The following GPR158 variants were observed in gnomAD, a reference collection of about 807,000 sequenced individuals.
The protein encoded by GPR158 is metabotropic glycine receptor.
A neutral mutation model predicts 78.2 loss-of-function variants in GPR158; 30 were observed. That is an observed-to-expected ratio of 0.38 (90% CI 0.29 to 0.52). The LOEUF is 0.52. Ranked by LOEUF, GPR158 falls within the 20% of genes least tolerant of loss-of-function variation. The probability of loss-of-function intolerance (pLI) is 0.83; values close to 1 mark genes in which losing one functional copy is unlikely to be tolerated. For missense variants in GPR158, 1,463 were observed against 1,523.5 expected (o/e 0.96, Z 0.66); for synonymous variants, 581 against 591.1 (o/e 0.98, Z 0.25).
intron 5 of GPR158, among the ~76,000 whole-genome samples, chr10:25,486,427 A>T (rs942167564): frequency 6.6e-6 from 1 of 152,142 alleles, no homozygotes; most frequent in Non-Finnish European, 1.5e-5. Flanking sequence ...TTCATCTGTA[A>T]AATGAAAGTA....
At chr10:25,361,110 T>A (rs1855632890) in intron 2 of GPR158, among the ~76,000 whole-genome samples, 1 of 151,794 alleles carries the variant, frequency 6.6e-6, no homozygotes, top group Non-Finnish European at 1.5e-5. Context: ...TTGCCGCTGG[T>A]AATAACCATT....
At chr10:25,293,193 T>C (rs1365553188) in intron 2 of GPR158, among the ~76,000 whole-genome samples, 1 of 152,232 alleles carries the variant, frequency 6.6e-6, no homozygotes, top group Non-Finnish European at 1.5e-5. Flanking sequence ...GAATTCCTTT[T>C]CTAGTAGAGA....
chr10:25,339,887 C>T (rs148323131), intron 2 of GPR158, among the ~76,000 whole-genome samples: 34 of 152,208 alleles, frequency 2.2e-4, no homozygotes, highest in African/African-American at 8.2e-4. Context: ...ATTTTGTGTA[C>T]AGCTGGGTTC....
intron 7 of GPR158, among the ~76,000 whole-genome samples, chr10:25,574,746 A>G (rs1837064570): frequency 6.6e-6 from 1 of 152,064 alleles, no homozygotes; most frequent in South Asian, 2.1e-4. Flanking sequence ...TTAGCCAGAC[A>G]TGGTGGTACA....
In GPR158 at chr10:25,515,437, T is replaced by C. The variant is rs1341645389; in HGVS notation, c.1405-35539T>C. Among the ~76,000 whole-genome samples, 6 of 150,570 alleles carry C rather than the reference T, an allele frequency of 4.0e-5. No homozygotes were observed. In the South Asian group the frequency reaches 1.3e-3, roughly 32 times the overall value. The stretch of plus-strand genomic sequence containing the variant: ...ACATTGTGCAGGTTAGTTACATATG[T>C]ATACATGTGCCATGCTGGTGCGCTG... On this transcript the variant is annotated intron_variant, in intron 5 of 10. Coordinates refer to ENST00000376351, the MANE Select transcript of GPR158 (RefSeq NM_020752.3).
chr10:25,465,581 A>T (rs556663789), intron 4 of GPR158, among the ~76,000 whole-genome samples: 1 of 152,232 alleles, frequency 6.6e-6, no homozygotes, highest in Non-Finnish European at 1.5e-5. Flanking sequence ...AATTTTGAGT[A>T]AAGAATAACA....
At chr10:25,220,282 G>GA (rs905253916) in intron 1 of GPR158, among the ~76,000 whole-genome samples, 6 of 152,172 alleles carry the variant, frequency 3.9e-5, no homozygotes, top group Non-Finnish European at 7.4e-5. Flanking sequence ...TGCTGGTGGT[G>GA]AAAAATAGAA....
intron 4 of GPR158, among the ~76,000 whole-genome samples, chr10:25,462,466 A>G (rs1170848445): frequency 6.6e-6 from 1 of 152,186 alleles, no homozygotes; most frequent in African/African-American, 2.4e-5. Context: ...AGACTTTCAC[A>G]TCTTCTTATT....
At chr10:25,192,312 A>G (rs1405602648) in intron 1 of GPR158, among the ~76,000 whole-genome samples, 3 of 152,200 alleles carry the variant, frequency 2.0e-5, no homozygotes, top group African/African-American at 7.2e-5. Context: ...CTCCCCAGCC[A>G]AATGGAACTG....
chr10:25,501,230 G>A (rs1344613320), intron 5 of GPR158, among the ~76,000 whole-genome samples: 1 of 152,084 alleles, frequency 6.6e-6, no homozygotes, highest in Non-Finnish European at 1.5e-5. Context: ...ACAGCGTGGG[G>A]ACCCCTCACA....
chr10:25,330,478 C>G (rs1039632855), intron 2 of GPR158, among the ~76,000 whole-genome samples: 1 of 152,060 alleles, frequency 6.6e-6, no homozygotes, highest in African/African-American at 2.4e-5. Flanking sequence ...ATAATAGACA[C>G]CAAAATCAAA....
At chr10:25,256,244 C>T (rs994635783) in intron 2 of GPR158, among the ~76,000 whole-genome samples, 1 of 151,600 alleles carries the variant, frequency 6.6e-6, no homozygotes, top group Non-Finnish European at 1.5e-5. Context: ...TATTATAATC[C>T]AAAAATATAA....
chr10:25,370,635 G>T (rs76067699), intron 2 of GPR158, among the ~76,000 whole-genome samples: 92,269 of 144,894 alleles, frequency 0.64, 30,346 homozygotes, highest in Non-Finnish European at 0.72. Context: ...TGAAAAAAAT[G>T]TATATTCTGT....
intron 5 of GPR158, among the ~76,000 whole-genome samples, chr10:25,487,667 G>C (rs750583069): frequency 6.6e-6 from 1 of 152,166 alleles, no homozygotes; most frequent in Non-Finnish European, 1.5e-5. Flanking sequence ...TATCCTGGGA[G>C]AGTAAATGAC....
rs140420245 is a variant in GPR158, at chr10:25,215,482, C to T, written c.903-5570C>T. On this transcript the variant is annotated intron_variant, in intron 1 of 10. Transcript: ENST00000376351. The stretch of plus-strand genomic sequence containing the variant: ...ATGTATGAACTCAATACTACAAAAG[C>T]GTACATTAAAAATGGTTAAGATGGT... Among the ~76,000 whole-genome samples, 103 of 152,110 alleles carry T rather than the reference C, an allele frequency of 6.8e-4. No homozygotes were observed. In the East Asian group the frequency reaches 0.014, roughly 21 times the overall value.
At position 25,175,498 on chromosome 10, in the gene GPR158, C is replaced by T. The variant is rs1300323806; in HGVS notation, c.78C>T (p.Arg26=). The T allele has an allele frequency of 1.2e-6, 2 of 1,611,772 alleles. No individual in the cohort carries two copies. The highest frequency in any genetic ancestry group is 1.7e-6 in the Non-Finnish European group (2 of 1,179,384). Residue 26 remains arginine, a synonymous_variant, in exon 1 of 11, where the codon CGC becomes CGT. Transcript: ENST00000376351. This position sits in a 1 kb window ranked among gnomAD's most constrained non-coding sequence, Gnocchi z 6.4. ...GATTGGGAGCTGTTGGCGCCAGCCG[C>T]GACCCCCAAGGACGGCCGGATTCCC... ...QLGLGAVGAS[R]DPQGRPDSPR... is the part of the protein sequence containing the mutation.
intron 2 of GPR158, among the ~76,000 whole-genome samples, chr10:25,339,710 A>G (rs1855276287): frequency 6.6e-6 from 1 of 152,060 alleles, no homozygotes; most frequent in African/African-American, 2.4e-5. Context: ...TTTGTCATGA[A>G]GTGGTTGAAT....
chr10:25,450,061 G>A (rs1216597824), intron 4 of GPR158, among the ~76,000 whole-genome samples: 1 of 151,550 alleles, frequency 6.6e-6, no homozygotes, highest in Non-Finnish European at 1.5e-5. Context: ...TAATACATGG[G>A]AGACATTCAG....
intron 2 of GPR158, among the ~76,000 whole-genome samples, chr10:25,353,361 G>T (rs1035626016): frequency 2.0e-5 from 3 of 151,922 alleles, no homozygotes; most frequent in African/African-American, 7.2e-5. Context: ...ATAAAATGGA[G>T]GCCAAGTTTT....
Sources: gnomAD v4.1 joint callset for allele counts (sites outside exome capture counted in the v4.1 genomes callset) on GRCh38, gnomAD v4.1.1 for gene constraint, Gnocchi (gnomAD v3.1) non-coding constraint, MANE v1.5 for transcripts, NCBI Gene and HGNC (gene_info 2026-07-23, HGNC 2026-07-21) for gene names.